The following EXT1 variants were observed in gnomAD, a reference collection of about 807,000 sequenced individuals.
EXT1 encodes the protein exostosin-1.
Under a neutral mutation model 82.5 loss-of-function variants are expected in EXT1, and 20 were observed. The observed-to-expected ratio is 0.24, with a 90% CI of 0.17 to 0.35. EXT1 has a LOEUF of 0.35. EXT1 is among the 10% of genes least tolerant of loss of function. The pLI is 1.00. For synonymous variants in EXT1, 348 were observed against 350.8 expected, an observed-to-expected ratio of 0.99 and a Z score of 0.09; for missense variants, 757 against 936.5, an observed-to-expected ratio of 0.81 and a Z score of 2.50.
chr8:118,111,790 G>C lies in EXT1; in HGVS notation c.-744C>G, dbSNP rs1725096373. On this transcript the variant is annotated 5_prime_UTR_variant, in exon 1 of 11. Coordinates refer to ENST00000378204, the MANE Select transcript of EXT1 (RefSeq NM_000127.3). ...AGCAGCGCTTCGCAGGCCCCCGCGC[G>C]AACGCTGCCGACCGCCGCGTTCGGT... 6.7e-6 allele frequency: 1 copy of C among 149,196 alleles called. No individual in the cohort carries two copies. The highest frequency in any genetic ancestry group is 2.4e-5 in the African/African-American group (1 of 41,078). 9.2% of individuals were successfully genotyped at this position (149,196 alleles called of 1,614,324 possible).
chr8:117,868,464 G>A (rs937625459), intron 1 of EXT1, among the ~76,000 whole-genome samples: 1 of 152,062 alleles, frequency 6.6e-6, no homozygotes, highest in Non-Finnish European at 1.5e-5. Flanking sequence ...TTGTTTGTTT[G>A]TTTTTGAGAC....
At chr8:117,954,120 A>C (rs1814543942) in intron 1 of EXT1, among the ~76,000 whole-genome samples, 2 of 152,132 alleles carry the variant, frequency 1.3e-5, no homozygotes, top group South Asian at 4.1e-4. Context: ...TTTCTAGAAG[A>C]ATCTCTCCTG....
At chr8:118,107,285 C>T (rs1817817418) in intron 1 of EXT1, among the ~76,000 whole-genome samples, 1 of 151,370 alleles carries the variant, frequency 6.6e-6, no homozygotes, top group Admixed American at 6.6e-5. Context: ...TAAACTGAAG[C>T]TTTTTTTTTC....
At position 117,818,486 on chromosome 8, in the gene EXT1, G is replaced by T; in HGVS notation, c.1581C>A (p.His527Gln). ...WNCDKPLPAK[H>Q]RWPATAVPVV... ...CAGGCACAGCAGTGGCAGGCCAGCGGTGTTTGGCTGGTAGGGGCTTGTCAC... is the reference window on the plus strand; with the variant it reads ...CAGGCACAGCAGTGGCAGGCCAGCGTTGTTTGGCTGGTAGGGGCTTGTCAC... Residue 527 changes from histidine (H) to glutamine (Q), a missense_variant, in exon 7 of 11, where the codon CAC becomes CAA. By Grantham distance (24) the His-to-Gln change is conservative. Transcript: ENST00000378204. 1.9e-6 allele frequency: 3 copies of T among 1,614,104 alleles called. No homozygotes were observed. The highest frequency in any genetic ancestry group is 2.5e-6 in the Non-Finnish European group (3 of 1,180,006).
At chr8:118,047,616 C>A (rs1379990039) in intron 1 of EXT1, among the ~76,000 whole-genome samples, 2 of 152,180 alleles carry the variant, frequency 1.3e-5, no homozygotes, top group Non-Finnish European at 2.9e-5. Flanking sequence ...ACAATTATCT[C>A]TGAATATGTG....
At chr8:117,913,183 C>G (rs752555016) in intron 1 of EXT1, among the ~76,000 whole-genome samples, 23 of 152,142 alleles carry the variant, frequency 1.5e-4, no homozygotes, top group Non-Finnish European at 2.9e-4. Flanking sequence ...GACTGCACCA[C>G]TACCCCCAAG....
At chr8:118,104,018 C>T (rs1271376749) in intron 1 of EXT1, among the ~76,000 whole-genome samples, 1 of 152,168 alleles carries the variant, frequency 6.6e-6, no homozygotes, top group African/African-American at 2.4e-5. Context: ...AAGATGGTAA[C>T]ATTTTGTAGA....
chr8:117,949,738 G>C (rs1814456116), intron 1 of EXT1, among the ~76,000 whole-genome samples: 1 of 152,012 alleles, frequency 6.6e-6, no homozygotes, highest in African/African-American at 2.4e-5. Flanking sequence ...GGGATATTTA[G>C]AAAACGAAAG....
At chr8:118,083,743 G>A (rs1817371993) in intron 1 of EXT1, among the ~76,000 whole-genome samples, 1 of 152,114 alleles carries the variant, frequency 6.6e-6, no homozygotes, top group South Asian at 2.1e-4. Flanking sequence ...AAGAAAAGAG[G>A]GAGGCGGGGC....
At position 117,979,893 on chromosome 8, in the gene EXT1, C is replaced by T. The variant is rs1815150264; in HGVS notation, c.962+130192G>A. The stretch of plus-strand genomic sequence containing the variant: ...TACCACTTAAACAAATTGTTTTGTT[C>T]ATATGTCTGCTCCCCCAATATTTCT... On this transcript the variant is annotated intron_variant, in intron 1 of 10. Transcript: ENST00000378204. Among the ~76,000 whole-genome samples, 3 of 152,180 alleles carry T rather than the reference C, an allele frequency of 2.0e-5. No homozygotes were observed. The South Asian group carries it at 6.2e-4, about 32-fold the overall frequency.
chr8:117,807,678 T>G (rs1302279472), intron 8 of EXT1, among the ~76,000 whole-genome samples: 1 of 152,090 alleles, frequency 6.6e-6, no homozygotes, highest in Admixed American at 6.5e-5. Flanking sequence ...TGAAAAAGCT[T>G]CTTTTCCCCC....
intron 1 of EXT1, among the ~76,000 whole-genome samples, chr8:117,893,217 T>C (rs1464580901): frequency 6.6e-6 from 1 of 152,258 alleles, no homozygotes; most frequent in African/African-American, 2.4e-5. Flanking sequence ...ATCCACGATA[T>C]GCCATCATCT....
At chr8:117,832,434 G>T (rs1186363804) in intron 3 of EXT1, among the ~76,000 whole-genome samples, 1 of 151,866 alleles carries the variant, frequency 6.6e-6, no homozygotes, top group East Asian at 1.9e-4. Context: ...TGAGGCAGAA[G>T]AATTGCTTGA....
intron 1 of EXT1, among the ~76,000 whole-genome samples, chr8:117,840,679 T>A (rs180963784): frequency 1.5e-4 from 22 of 150,952 alleles, no homozygotes; most frequent in African/African-American, 5.3e-4. Context: ...GGGACTTTCA[T>A]CTAGAATACA....
rs1297552880 is a variant in EXT1 at position 117,830,415 on chromosome 8, A to G, written c.1165-66T>C. On this transcript the variant is annotated intron_variant, in intron 3 of 10. Coordinates refer to ENST00000378204, the MANE Select transcript of EXT1 (RefSeq NM_000127.3). ...ACAAAGAGATGCACTTGATCAAAATAACCCAACTGGGTTAGGCTTTTATTC... is the reference window on the plus strand; with the variant it reads ...ACAAAGAGATGCACTTGATCAAAATGACCCAACTGGGTTAGGCTTTTATTC... 1.9e-6 allele frequency: 3 copies of G among 1,584,950 alleles called. 1 individual carries two copies. The highest frequency in any genetic ancestry group is 2.2e-5 in the East Asian group (1 of 44,592).
intron 1 of EXT1, among the ~76,000 whole-genome samples, chr8:118,079,275 C>T (rs1817266548): frequency 6.6e-6 from 1 of 152,126 alleles, no homozygotes. Context: ...ACAAGCCGAG[C>T]AAATGGGAAG....
intron 1 of EXT1, among the ~76,000 whole-genome samples, chr8:117,908,935 G>GGA (rs1813592059): frequency 6.6e-6 from 1 of 151,890 alleles, no homozygotes; most frequent in Non-Finnish European, 1.5e-5. Flanking sequence ...ACCAGCCTGG[G>GGA]CAACATGGTG....
chr8:117,857,035 G>C (rs1415333608), intron 1 of EXT1, among the ~76,000 whole-genome samples: 3 of 152,164 alleles, frequency 2.0e-5, no homozygotes, highest in Non-Finnish European at 2.9e-5. Flanking sequence ...TCTATAAATA[G>C]ATGGAACAAT....
chr8:117,985,605 A>G (rs1033645229), intron 1 of EXT1, among the ~76,000 whole-genome samples: 2 of 152,186 alleles, frequency 1.3e-5, no homozygotes, highest in Non-Finnish European at 2.9e-5. Context: ...CTGGGAGGAA[A>G]AAAATGAAGA....
Sources: allele counts gnomAD v4.1 joint callset (sites outside exome capture counted in the v4.1 genomes callset), GRCh38; gene constraint gnomAD v4.1.1; transcripts MANE v1.5; gene names NCBI Gene and HGNC (gene_info 2026-07-23, HGNC 2026-07-21).